HHIP: variants seen among roughly 807,000 people sequenced by gnomAD.
The protein encoded by HHIP is hedgehog-interacting protein.
HHIP carries 12 observed loss-of-function variants against 74.0 expected under a neutral mutation model. The observed-to-expected ratio is 0.16, with a 90% CI of 0.10 to 0.26. HHIP has a LOEUF of 0.26. HHIP is among the 10% of genes least tolerant of loss of function. HHIP has a pLI of 1.00. For synonymous variants in HHIP, 309 were observed against 311.6 expected (o/e 0.99, Z 0.09); for missense variants, 788 against 845.0 (o/e 0.93, Z 0.84).
chr4:144,707,900 C>T (rs1186425599), intron 6 of HHIP, among the ~76,000 whole-genome samples: 1 of 152,176 alleles, frequency 6.6e-6, no homozygotes. Context: ...CATGCCACCA[C>T]ATCTGGCTCA....
In HHIP at chr4:144,646,373, C is replaced by T. The variant is rs1728257681; in HGVS notation, c.-303C>T. 2 of 311,696 alleles carry T rather than the reference C, an allele frequency of 6.4e-6. No homozygotes were observed. Among genetic ancestry groups the T allele is most frequent in the Non-Finnish European group, 1.2e-5 (2 of 170,900 alleles). The allele number at this position is 311,696 out of a possible 1,614,324, so 19.3% of individuals were successfully genotyped here. ...CTCTTCCAACTCCTTCTCCTCCTCC[C>T]ACTTCCCAGCCGCAGCAGAAAGCCC... is the stretch of plus-strand genomic sequence containing the variant. On this transcript the variant is annotated 5_prime_UTR_variant, in exon 1 of 13. Transcript: ENST00000296575.
At chr4:144,665,748 G>A (rs982902) in intron 4 of HHIP, among the ~76,000 whole-genome samples, 55,010 of 152,054 alleles carry the variant, frequency 0.36, 11,318 homozygotes, top group South Asian at 0.52. Context: ...AGTTTAATCT[G>A]TAGTTTATTT....
intron 4 of HHIP, among the ~76,000 whole-genome samples, chr4:144,701,010 C>G (rs1288666465): frequency 1.5e-4 from 23 of 152,040 alleles, no homozygotes; most frequent in Non-Finnish European, 8.8e-5. Flanking sequence ...TCCTCTTTTT[C>G]CTCTTTTTCC....
intron 4 of HHIP, among the ~76,000 whole-genome samples, chr4:144,679,056 T>G (rs1729258029): frequency 6.6e-6 from 1 of 152,244 alleles, no homozygotes; most frequent in Non-Finnish European, 1.5e-5. Flanking sequence ...TTCCTGACTT[T>G]TTAATGATCT....
At chr4:144,657,998 A>G (rs1272521813) in intron 2 of HHIP, among the ~76,000 whole-genome samples, 1 of 152,190 alleles carries the variant, frequency 6.6e-6, no homozygotes, top group Non-Finnish European at 1.5e-5. Flanking sequence ...TTTATTATTT[A>G]ATCTTATGTA....
chr4:144,717,759 C>G (rs1260505613), intron 10 of HHIP, among the ~76,000 whole-genome samples: 3 of 152,074 alleles, frequency 2.0e-5, no homozygotes. Flanking sequence ...CTTTCTCTCT[C>G]TCTCTCTCTC....
intron 11 of HHIP, among the ~76,000 whole-genome samples, chr4:144,720,294 A>G (rs1381179000): frequency 6.6e-6 from 1 of 152,222 alleles, no homozygotes; most frequent in Non-Finnish European, 1.5e-5. Context: ...AATTCACAAA[A>G]TAGCAGCATT....
At chr4:144,649,653 T>C (rs1271448347) in intron 1 of HHIP, among the ~76,000 whole-genome samples, 1 of 152,182 alleles carries the variant, frequency 6.6e-6, no homozygotes, top group African/African-American at 2.4e-5. Flanking sequence ...CCCTCATTTC[T>C]AAAACTTAAC....
intron 4 of HHIP, among the ~76,000 whole-genome samples, chr4:144,689,322 T>C (rs1367294440): frequency 2.6e-5 from 4 of 152,248 alleles, no homozygotes; most frequent in Non-Finnish European, 5.9e-5. Context: ...ATTATGAGAA[T>C]GACATCATAA....
At chr4:144,671,817 T>C (rs1197571088) in intron 4 of HHIP, among the ~76,000 whole-genome samples, 1 of 152,036 alleles carries the variant, frequency 6.6e-6, no homozygotes, top group African/African-American at 2.4e-5. Context: ...ACCCTGTCTC[T>C]ACTAAAAATA....
chr4:144,734,679 G>A lies in HHIP; in HGVS notation c.1761-62G>A, dbSNP rs1478170814. The A allele has an allele frequency of 5.3e-6, 7 of 1,325,470 alleles. No homozygotes were observed. The African/African-American group carries it at 8.8e-5, about 17-fold the overall frequency. 82.1% of individuals were successfully genotyped at this position (1,325,470 alleles called of 1,614,324 possible). On this transcript the variant is annotated intron_variant, in intron 11 of 12. Transcript: ENST00000296575. ...TGCTTTGTAAGCCACAGAATCACTA[G>A]ATTTCATTCCACTGTTGATTTTCAA...
chr4:144,647,097 G>C, intron 1 of HHIP, 143 bp downstream of exon 1: 1 of 665,156 alleles, frequency 1.5e-6, no homozygotes. Flanking sequence ...TAGCGCTAAC[G>C]TGATTCCGTT....
chr4:144,729,689 T>C (rs1730895478), intron 11 of HHIP, among the ~76,000 whole-genome samples: 1 of 152,168 alleles, frequency 6.6e-6, no homozygotes, highest in Non-Finnish European at 1.5e-5. Context: ...CTCTTTTCCA[T>C]GTGTCCCAAT....
intron 11 of HHIP, among the ~76,000 whole-genome samples, chr4:144,728,595 A>G (rs1405659958): frequency 6.6e-6 from 1 of 152,180 alleles, no homozygotes; most frequent in Admixed American, 6.6e-5. Context: ...CATAATACAG[A>G]TATTTCTGCA....
intron 4 of HHIP, among the ~76,000 whole-genome samples, chr4:144,688,875 A>C (rs867870359): frequency 1.7e-4 from 26 of 152,288 alleles, no homozygotes; most frequent in South Asian, 4.1e-4. Flanking sequence ...AAGTGGGAGC[A>C]CCAAAAATGT....
At chr4:144,724,204 C>T (rs1730728279) in intron 11 of HHIP, among the ~76,000 whole-genome samples, 1 of 152,172 alleles carries the variant, frequency 6.6e-6, no homozygotes, top group Non-Finnish European at 1.5e-5. Flanking sequence ...TGTACAGACA[C>T]ACTGAAACAT....
At position 144,659,828 on chromosome 4, in the gene HHIP, G is replaced by C; in HGVS notation, c.821G>C (p.Ser274Thr). The change falls in exon 4 of 13, where the codon AGT (serine) becomes ACT (threonine). Residue 274 changes from serine (S) to threonine (T), a missense_variant. Physicochemically the swap from Ser to Thr is moderately conservative, Grantham distance 58 (BLOSUM62 1). Around this residue, in one of 3 missense-constraint regions of HHIP, gnomAD observed 373 missense variants for 366.4 expected, o/e 1.02. Coordinates refer to ENST00000296575, the MANE Select transcript of HHIP (RefSeq NM_022475.3). ...PYLDIHKLVQ[S>T]GIKGGDERGL... Reference sequence around the variant, plus strand: ...TTGGACATTCACAAACTTGTTCAAAGTGGAATAAAGGTTGGCTTTTTAAAT... The same window carrying C: ...TTGGACATTCACAAACTTGTTCAAACTGGAATAAAGGTTGGCTTTTTAAAT... The C allele has an allele frequency of 1.2e-6, 2 of 1,611,808 alleles. No homozygotes were observed. Among genetic ancestry groups the C allele is most frequent in the South Asian group, 2.2e-5 (2 of 90,456 alleles).
At chr4:144,715,114 G>A in intron 9 of HHIP, 186 bp from the exon 10 acceptor site, 1 of 499,244 alleles carries the variant, frequency 2.0e-6, no homozygotes, top group Non-Finnish European at 3.6e-6. Flanking sequence ...CTATCTTTAA[G>A]TACTTTCTCC....
Position 144,646,843 on chromosome 4 carries a change from G to A in HHIP, c.168G>A (p.Met56Ile), listed in dbSNP as rs1011308865. 13 of 1,614,130 alleles carry A rather than the reference G, an allele frequency of 8.1e-6. No homozygotes were observed. Among genetic ancestry groups the A allele is most frequent in the Non-Finnish European group, 1.1e-5 (13 of 1,180,048 alleles). The change falls in exon 1 of 13, where the codon ATG (methionine) becomes ATA (isoleucine). Residue 56 changes from methionine (M) to isoleucine (I), a missense_variant. By Grantham distance (10) the Met-to-Ile change is conservative (BLOSUM62 1). Transcript: ENST00000296575. ...KRLKRRDRRM[M>I]SQLELLSGGE... is the part of the protein sequence containing the mutation. Reference sequence around the variant, plus strand: ...TGAAAAGGAGAGACAGGAGGATGATGTCCCAGCTGGAGCTGCTGAGTGGGG... The same window carrying A: ...TGAAAAGGAGAGACAGGAGGATGATATCCCAGCTGGAGCTGCTGAGTGGGG...
Sources: gnomAD v4.1 joint callset for allele counts (sites outside exome capture counted in the v4.1 genomes callset) on GRCh38, gnomAD v4.1.1 for gene constraint, gnomAD v4.1.1 regional missense constraint, MANE v1.5 for transcripts, NCBI Gene and HGNC (gene_info 2026-07-23, HGNC 2026-07-21) for gene names.